SMARCC1: variants seen among roughly 807,000 people sequenced by gnomAD.
The protein encoded by SMARCC1 is SWI/SNF complex subunit SMARCC1.
Under a neutral mutation model 147.4 loss-of-function variants are expected in SMARCC1, and 43 were observed. The ratio of observed to expected loss-of-function variants is 0.29; its 90% CI spans 0.23 to 0.38. The LOEUF (loss-of-function observed/expected upper bound fraction) is 0.38. Ranked by LOEUF, SMARCC1 falls within the 10% of genes least tolerant of loss-of-function variation. The pLI, the probability that SMARCC1 is intolerant of heterozygous loss-of-function variation, is 1.00. For synonymous variants in SMARCC1, 495 were observed against 484.4 expected, an observed-to-expected ratio of 1.02 and a Z score of -0.29; for missense variants, 1,119 against 1,381.1, an observed-to-expected ratio of 0.81 and a Z score of 3.01.
intron 2 of SMARCC1, among the ~76,000 whole-genome samples, chr3:47,772,325 C>T (rs1285465040): frequency 6.6e-6 from 1 of 151,662 alleles, no homozygotes; most frequent in Non-Finnish European, 1.5e-5. Context: ...GCCGGGAGAT[C>T]AAGGCTGCAG....
At chr3:47,690,383 T>G (rs2033776492) in intron 12 of SMARCC1, among the ~76,000 whole-genome samples, 1 of 152,198 alleles carries the variant, frequency 6.6e-6, no homozygotes, top group Non-Finnish European at 1.5e-5. Context: ...TCAGAGCAAG[T>G]AAACTGGTGT....
Position 47,587,934 on chromosome 3 carries a change from T to C in SMARCC1, c.*275A>G. 2.3e-6 allele frequency: 1 copy of C among 435,476 alleles called. No individual in the cohort carries two copies. Among genetic ancestry groups the C allele is most frequent in the South Asian group, 3.1e-5 (1 of 32,136 alleles). The allele number at this position is 435,476 out of a possible 1,614,324, so 27.0% of individuals were successfully genotyped here. A position where few individuals can be genotyped will look rare whatever the true frequency, so the allele number is the denominator to read the frequency against. ...CAGGACCTGCAGAGAAACTGTCAGC[T>C]TACTCCCACACCAGGACAGGGGAGA... On this transcript the variant is annotated 3_prime_UTR_variant, in exon 28 of 28. Coordinates refer to ENST00000254480, the MANE Select transcript of SMARCC1 (RefSeq NM_003074.4).
At chr3:47,654,726 G>A (rs999298918) in intron 21 of SMARCC1, among the ~76,000 whole-genome samples, 42 of 152,228 alleles carry the variant, frequency 2.8e-4, no homozygotes, top group African/African-American at 9.9e-4. Context: ...GAAACCTGAG[G>A]AGGGTCCTGA....
intron 2 of SMARCC1, among the ~76,000 whole-genome samples, chr3:47,747,480 T>TATAAATATAAAA (rs1553689888): frequency 6.1e-5 from 9 of 147,528 alleles, no homozygotes; most frequent in African/African-American, 9.9e-5. Flanking sequence ...TAAATATAAA[T>TATAAATATAAAA]ATAAAAATTA....
chr3:47,630,551 A>G (rs1035271048), intron 24 of SMARCC1, among the ~76,000 whole-genome samples: 1 of 152,274 alleles, frequency 6.6e-6, no homozygotes, highest in Non-Finnish European at 1.5e-5. Flanking sequence ...TCCAACGAGT[A>G]GAACAGAAGT....
chr3:47,761,730 A>T (rs1170379686), intron 2 of SMARCC1, among the ~76,000 whole-genome samples: 1 of 152,200 alleles, frequency 6.6e-6, no homozygotes, highest in Non-Finnish European at 1.5e-5. Flanking sequence ...TGGCAAAACA[A>T]TACCATTCTC....
At position 47,643,815 on chromosome 3, in the gene SMARCC1, T is replaced by C. The variant is rs916920558; in HGVS notation, c.2321-5035A>G. Among the ~76,000 whole-genome samples the C allele has an allele frequency of 5.9e-5, 9 of 152,270 alleles. No individual in the cohort carries two copies. The South Asian group carries it at 1.9e-3, about 32-fold the overall frequency. On this transcript the variant is annotated intron_variant, in intron 21 of 27. Coordinates refer to ENST00000254480, the MANE Select transcript of SMARCC1 (RefSeq NM_003074.4). ...TAATACTTGGTTCAAATTAAATACA[T>C]AACCTGCATTAAGACACACTATAAT...
Position 47,638,766 on chromosome 3 carries a change from C to A in SMARCC1, c.2335G>T (p.Glu779Ter). 1.2e-6 allele frequency: 2 copies of A among 1,612,812 alleles called. No homozygotes were observed. The highest frequency in any genetic ancestry group is 1.7e-6 in the Non-Finnish European group (2 of 1,178,828). The change falls in exon 22 of 28, where the codon GAA (glutamate) becomes TAA (stop). Residue 779 changes from glutamate to a stop codon, truncating the protein, a stop_gained. Transcript: ENST00000254480. LOFTEE classifies it high-confidence loss of function. The stretch of plus-strand genomic sequence containing the variant: ...CCATCAGGGTCGGCTTCCATTTTTT[C>A]CTCTTCAGCTCCTTCTACAAGTAAA... ...EPEKLEGAEE[E>*]KMEADPDGQQ...
intron 21 of SMARCC1, among the ~76,000 whole-genome samples, chr3:47,653,246 G>A (rs576843161): frequency 1.8e-4 from 27 of 152,112 alleles, no homozygotes; most frequent in Non-Finnish European, 3.2e-4. Flanking sequence ...CGTGAGCCAC[G>A]GCGCCCGGCC....
At chr3:47,601,014 A>AGAGAGAGG (rs2032374956) in intron 26 of SMARCC1, among the ~76,000 whole-genome samples, 1 of 81,972 alleles carries the variant, frequency 1.2e-5, no homozygotes, top group African/African-American at 3.3e-5. Context: ...AGAGAGAGAG[A>AGAGAGAGG]GAGAGAGAGA....
chr3:47,756,795 C>A (rs966794637), intron 2 of SMARCC1, among the ~76,000 whole-genome samples: 3 of 152,142 alleles, frequency 2.0e-5, no homozygotes, highest in Non-Finnish European at 4.4e-5. Context: ...CCCAAAATAT[C>A]TGGTATTTTA....
chr3:47,653,253 G>A (rs903321840), intron 21 of SMARCC1, among the ~76,000 whole-genome samples: 12 of 152,152 alleles, frequency 7.9e-5, no homozygotes, highest in South Asian at 4.1e-4. Flanking sequence ...CACGGCGCCC[G>A]GCCGCTTTAC....
At chr3:47,695,362 G>A (rs970605424) in intron 11 of SMARCC1, among the ~76,000 whole-genome samples, 4 of 152,196 alleles carry the variant, frequency 2.6e-5, no homozygotes, top group African/African-American at 7.2e-5. Flanking sequence ...GTTATGTGAA[G>A]TATATCTCAA....
In SMARCC1 at chr3:47,744,273, C is replaced by G. The variant is rs543551930; in HGVS notation, c.401+1635G>C. ...TCTCCTGTCTCAGCCTCCTGAGTAC[C>G]TGGGATTACAAGTGCCTGCCACCAA... On this transcript the variant is annotated intron_variant, in intron 3 of 27. Coordinates refer to ENST00000254480, the MANE Select transcript of SMARCC1 (RefSeq NM_003074.4). Among the ~76,000 whole-genome samples the G allele has an allele frequency of 2.6e-5, 4 of 152,240 alleles. No homozygotes were observed. The South Asian group carries it at 6.2e-4, about 24-fold the overall frequency.
intron 24 of SMARCC1, among the ~76,000 whole-genome samples, chr3:47,634,095 T>C (rs1220046477): frequency 6.6e-6 from 1 of 152,158 alleles, no homozygotes; most frequent in Admixed American, 6.5e-5. Flanking sequence ...TAACTAAAAT[T>C]AGCTAAAGAA....
Position 47,647,716 on chromosome 3 carries a change from G to A in SMARCC1, c.2321-8936C>T, listed in dbSNP as rs946510699. ...GCAGGAACCCAGTCAATACTTATGT[G>A]AGACTAATCACGTCATTCCCTATAT... On this transcript the variant is annotated intron_variant, in intron 21 of 27. Transcript: ENST00000254480. Among the ~76,000 whole-genome samples the A allele has an allele frequency of 2.6e-5, 4 of 152,194 alleles. No homozygotes were observed. In the South Asian group the frequency reaches 8.3e-4, roughly 32 times the overall value.
intron 25 of SMARCC1, among the ~76,000 whole-genome samples, chr3:47,620,652 A>G (rs2032717172): frequency 6.6e-6 from 1 of 151,916 alleles, no homozygotes; most frequent in Admixed American, 6.6e-5. Context: ...CCATGACCTT[A>G]TGTCAAAAGT....
chr3:47,764,700 A>T (rs1183276494), intron 2 of SMARCC1, among the ~76,000 whole-genome samples: 2 of 152,208 alleles, frequency 1.3e-5, no homozygotes, highest in African/African-American at 4.8e-5. Context: ...GCCCTTGCAC[A>T]TGAATTATAA....
At chr3:47,683,563 C>G (rs1281853158) in intron 14 of SMARCC1, among the ~76,000 whole-genome samples, 4 of 151,808 alleles carry the variant, frequency 2.6e-5, no homozygotes, top group Non-Finnish European at 4.4e-5. Context: ...AAAAAGTACC[C>G]CAAGATTGGC....
Sources: gnomAD v4.1 joint callset for allele counts (sites outside exome capture counted in the v4.1 genomes callset) on GRCh38, gnomAD v4.1.1 for gene constraint, MANE v1.5 for transcripts, NCBI Gene and HGNC (gene_info 2026-07-23, HGNC 2026-07-21) for gene names.